Variants in SEM1 observed in about 807,000 individuals in gnomAD.
The protein encoded by SEM1 is 26S proteasome complex subunit SEM1.
A neutral mutation model predicts 12.7 loss-of-function variants in SEM1; 3 were observed. The observed-to-expected ratio is 0.24, with a 90% confidence interval of 0.11 to 0.61. The LOEUF is 0.61. Ranked by LOEUF, SEM1 falls within the 20% of genes least tolerant of loss-of-function variation. The pLI, the probability that SEM1 is intolerant of heterozygous loss-of-function variation, is 0.88. For synonymous variants in SEM1, 30 were observed against 27.8 expected (o/e 1.08, Z -0.25); for missense variants, 59 against 81.3 (o/e 0.73, Z 1.06).
chr7:96,641,612 T>G (rs1281684021), intron 2 of SEM1, among the ~76,000 whole-genome samples: 1 of 152,040 alleles, frequency 6.6e-6, no homozygotes, highest in Non-Finnish European at 1.5e-5. Flanking sequence ...CTTGTCTAAC[T>G]AAAATGCAGA....
exon 4 of SEM1, chr7:96,483,767 C>T (rs928392329): frequency 1.3e-6 from 2 of 1,493,140 alleles, no homozygotes; most frequent in Non-Finnish European, 1.8e-6. Flanking sequence ...GCCTTGAAGA[C>T]AGAGAGCCAG....
At chr7:96,709,611 C>G in intron 1 of SEM1, 77 bp downstream of exon 1, 1 of 1,413,604 alleles carries the variant, frequency 7.1e-7, no homozygotes, top group Non-Finnish European at 9.9e-7. Context: ...CCAGCTGGGC[C>G]CGAGCACCCA....
chr7:96,697,625 TAAAC>T (rs972497804), intron 1 of SEM1, among the ~76,000 whole-genome samples: 8 of 152,134 alleles, frequency 5.3e-5, no homozygotes, highest in Non-Finnish European at 8.8e-5. Context: ...ATTCTGAACA[TAAAC>T]AACCTAATCT....
intron 1 of SEM1, among the ~76,000 whole-genome samples, chr7:96,495,167 A>G (rs925212360): frequency 6.6e-6 from 1 of 152,228 alleles, no homozygotes; most frequent in Non-Finnish European, 1.5e-5. Context: ...TTAATTAAAG[A>G]CAACCAGAAT....
rs1387591389 is a variant in SEM1, at chr7:96,580,317, G to A, written c.171-73619C>T. 4.8e-5 allele frequency among the ~76,000 whole-genome samples: 7 copies of A among 147,008 alleles called. No individual in the cohort carries two copies. In the East Asian group the frequency reaches 1.4e-3, roughly 29 times the overall value. On this transcript the variant is annotated intron_variant and NMD_transcript_variant, in intron 2 of 3. Transcript: ENST00000466986. Reference sequence around the variant, plus strand: ...CATGAACTCATCATTTTTTATGGCTGCATAGTATTCCATGGTGTATATGTG... The same window carrying A: ...CATGAACTCATCATTTTTTATGGCTACATAGTATTCCATGGTGTATATGTG...
At chr7:96,511,548 T>C (rs914688206) in intron 2 of SEM1, among the ~76,000 whole-genome samples, 1 of 152,110 alleles carries the variant, frequency 6.6e-6, no homozygotes, top group Non-Finnish European at 1.5e-5. Context: ...CTGATGTATA[T>C]AGCACAAATT....
intron 2 of SEM1, among the ~76,000 whole-genome samples, chr7:96,645,164 TATTC>T (rs1177522979): frequency 2.0e-5 from 3 of 152,194 alleles, no homozygotes; most frequent in South Asian, 2.1e-4. Context: ...AGGATTTAGA[TATTC>T]ATTCATTCAT....
intron 2 of SEM1, among the ~76,000 whole-genome samples, chr7:96,631,600 C>T (rs1241538900): frequency 6.6e-6 from 1 of 152,004 alleles, no homozygotes; most frequent in African/African-American, 2.4e-5. Context: ...TCATAAAAAC[C>T]CTAGAAGAAA....
intron 2 of SEM1, among the ~76,000 whole-genome samples, chr7:96,648,975 G>A (rs982883188): frequency 6.6e-6 from 1 of 152,196 alleles, no homozygotes; most frequent in Non-Finnish European, 1.5e-5. Flanking sequence ...CCCTGAGGAG[G>A]TGTGACGTCC....
intron 2 of SEM1, among the ~76,000 whole-genome samples, chr7:96,634,964 G>A (rs538703067): frequency 1.4e-4 from 22 of 152,184 alleles, no homozygotes; most frequent in African/African-American, 4.8e-4. Flanking sequence ...ACATCACTCT[G>A]GTTTCTATTT....
chr7:96,650,450 A>C, intron 2 of SEM1: 1 of 742,340 alleles, frequency 1.3e-6, no homozygotes, highest in East Asian at 2.5e-5. Flanking sequence ...CCTTCATCTG[A>C]CTTGATGGTA....
intron 2 of SEM1, among the ~76,000 whole-genome samples, chr7:96,674,606 G>A (rs1789406039): frequency 1.3e-5 from 2 of 152,124 alleles, no homozygotes; most frequent in South Asian, 4.2e-4. Flanking sequence ...GGTCAAGACA[G>A]CCGTGAGCCA....
At chr7:96,589,870 G>A (rs561612523) in intron 2 of SEM1, among the ~76,000 whole-genome samples, 49 of 152,244 alleles carry the variant, frequency 3.2e-4, no homozygotes, top group African/African-American at 1.2e-3. Context: ...CTAGTTTTGA[G>A]TGACTGCAGA....
intron 1 of SEM1, among the ~76,000 whole-genome samples, chr7:96,701,011 AT>A (rs1790255459): frequency 1.3e-5 from 2 of 152,212 alleles, no homozygotes; most frequent in Non-Finnish European, 2.9e-5. Context: ...CAATTATCAA[AT>A]AATTCACAAA....
At chr7:96,484,711 A>G in intron 3 of SEM1, 2 of 532,502 alleles carry the variant, frequency 3.8e-6, no homozygotes, top group South Asian at 1.8e-5. Context: ...CGCCTCCCAA[A>G]TCCTAACTCT....
chr7:96,654,017 C>T (rs531854844), intron 2 of SEM1, among the ~76,000 whole-genome samples: 1 of 152,266 alleles, frequency 6.6e-6, no homozygotes, highest in South Asian at 2.1e-4. Context: ...ACATTCATAT[C>T]CAGCTAGAAG....
intron 2 of SEM1, among the ~76,000 whole-genome samples, chr7:96,558,466 A>G (rs989699252): frequency 7.2e-5 from 11 of 152,190 alleles, no homozygotes; most frequent in African/African-American, 2.7e-4. Flanking sequence ...TGAGCAAAGT[A>G]GTAAACTTAG....
At chr7:96,672,073 A>G (rs773960441), downstream of SEM1, among the ~76,000 whole-genome samples, 8 of 152,224 alleles carry the variant, frequency 5.3e-5, no homozygotes, top group Non-Finnish European at 1.2e-4. Context: ...AACTCCGAGT[A>G]AGACAAACAG....
chr7:96,532,398 A>G (rs917237796), intron 2 of SEM1, among the ~76,000 whole-genome samples: 1 of 152,164 alleles, frequency 6.6e-6, no homozygotes, highest in Admixed American at 6.5e-5. Flanking sequence ...CTTGGACACC[A>G]GATGACACTT....
Sources: gnomAD v4.1 joint callset for allele counts (sites outside exome capture counted in the v4.1 genomes callset) on GRCh38, gnomAD v4.1.1 for gene constraint, MANE v1.5 for transcripts, NCBI Gene and HGNC (gene_info 2026-07-23, HGNC 2026-07-21) for gene names.